The following NPC1 variants were observed in gnomAD, a reference collection of about 807,000 sequenced individuals.
NPC1 encodes the protein Niemann-Pick C1 protein.
Under a neutral mutation model 140.4 loss-of-function variants are expected in NPC1, and 85 were observed. That is an observed-to-expected ratio of 0.61 (90% CI 0.51 to 0.72). The LOEUF (loss-of-function observed/expected upper bound fraction) is 0.72. Among genes scored for constraint, NPC1 ranks in the 30% least tolerant of loss-of-function variants. The pLI is 0.00. For synonymous variants in NPC1, 656 were observed against 624.8 expected (o/e 1.05, Z -0.74); for missense variants, 1,504 against 1,623.8 (o/e 0.93, Z 1.27).
intron 3 of NPC1, among the ~76,000 whole-genome samples, chr18:23,510,538 T>C (rs1331532597): frequency 6.6e-6 from 1 of 151,772 alleles, no homozygotes; most frequent in African/African-American, 2.4e-5. Context: ...TCCCAGCTAC[T>C]AGGGAGGCTG....
In NPC1 at chr18:23,536,855, A is replaced by G; in HGVS notation, c.3063T>C (p.Ser1021=). 1 of 1,614,112 alleles carries G rather than the reference A, an allele frequency of 6.2e-7. No homozygotes were observed. The part of the protein sequence containing the change: ...CGKGGHAAYS[S]AVNILLGHGT... ...CATGGCCAAGGAGGATGTTAACTGC[A>G]GAACTATAGGCAGCATGTCCCCTGA... The change falls in exon 21 of 25, where the codon TCT becomes TCC. Residue 1021 remains serine, a synonymous_variant. Transcript: ENST00000269228.
At chr18:23,550,310 G>C (rs1023736325) in intron 10 of NPC1, among the ~76,000 whole-genome samples, 4 of 151,644 alleles carry the variant, frequency 2.6e-5, no homozygotes, top group Non-Finnish European at 5.9e-5. Context: ...TCTCGGCCCA[G>C]TTTTGTTTTT....
At chr18:23,537,273 T>C (rs1598940576) in intron 20 of NPC1, among the ~76,000 whole-genome samples, 1 of 152,212 alleles carries the variant, frequency 6.6e-6, no homozygotes, top group African/African-American at 2.4e-5. Flanking sequence ...GGTTTTGCCA[T>C]GTTGGCCTGG....
Position 23,550,042 on chromosome 18 carries a change from G to T in NPC1, c.1654+1585C>A, listed in dbSNP as rs146278306. ...CCAGTTTTTTTTTTTTTCTGGCAAGGTCTCGCTCTGTCACCCAGGCTGGAA... is the reference window on the plus strand; with the variant it reads ...CCAGTTTTTTTTTTTTTCTGGCAAGTTCTCGCTCTGTCACCCAGGCTGGAA... On this transcript the variant is annotated intron_variant, in intron 10 of 24. Coordinates refer to ENST00000269228, the MANE Select transcript of NPC1 (RefSeq NM_000271.5). Among the ~76,000 whole-genome samples, 1,271 of 150,486 alleles carry T rather than the reference G, an allele frequency of 8.4e-3. 15 individuals carry two copies. The highest frequency in any genetic ancestry group is 0.03 in the African/African-American group (1,217 of 40,862).
rs143566358 is a variant in NPC1, at chr18:23,557,552, C to T, written c.882-362G>A. Among the ~76,000 whole-genome samples, 522 of 152,310 alleles carry T rather than the reference C, an allele frequency of 3.4e-3. 3 individuals carry two copies. Among genetic ancestry groups the T allele is most frequent in the Non-Finnish European group, 3.1e-3 (210 of 68,022 alleles). On this transcript the variant is annotated intron_variant, in intron 6 of 24. Transcript: ENST00000269228. ...GGGCGGGATCACGAGGTCAAGAGAT[C>T]GAGACCAACCTGGCCAACATGGTGA...
chr18:23,560,342 G>A lies in NPC1; in HGVS notation c.770C>T (p.Pro257Leu), dbSNP rs1311534758. 1.2e-6 allele frequency: 2 copies of A among 1,614,258 alleles called. No individual in the cohort carries two copies. Among genetic ancestry groups the A allele is most frequent in the Admixed American group, 3.3e-5 (2 of 60,036 alleles). ...CGPKPQPPPPPAPWTILGLDA... is the reference protein window; with the variant it reads ...CGPKPQPPPPLAPWTILGLDA... ...CAAGCCAAGGATCGTCCAGGGAGCA[G>A]GAGGAGGTGGGGGCTGGGGCTTGGG... The change falls in exon 6 of 25, where the codon CCT (proline) becomes CTT (leucine). Residue 257 changes from proline to leucine, a missense_variant. By Grantham distance (98) the Pro-to-Leu change is moderately conservative. Coordinates refer to ENST00000269228, the MANE Select transcript of NPC1 (RefSeq NM_000271.5).
At chr18:23,508,474 C>T (rs985341714) in intron 3 of NPC1, among the ~76,000 whole-genome samples, 4 of 152,132 alleles carry the variant, frequency 2.6e-5, no homozygotes, top group Non-Finnish European at 5.9e-5. Context: ...CTTACTCTTT[C>T]TTTCTTCTCC....
chr18:23,554,756 AC>A lies in NPC1; in HGVS notation c.1553+1del. 6.2e-7 allele frequency: 1 copy of A among 1,609,656 alleles called. No homozygotes were observed. Among genetic ancestry groups the A allele is most frequent in the Non-Finnish European group, 8.5e-7 (1 of 1,175,976 alleles). ...TACCAATGATTGTCTCTTGCCACTTACCGTACGCAGTACAGAAAGTGCGTGT... is the reference window on the plus strand; with the variant it reads ...TACCAATGATTGTCTCTTGCCACTTACGTACGCAGTACAGAAAGTGCGTGT... On this transcript the variant is annotated splice_donor_variant, in intron 9 of 24. Transcript: ENST00000269228. LOFTEE classifies it high-confidence loss of function.
chr18:23,540,876 CTT>C (rs1251093846), intron 16 of NPC1, among the ~76,000 whole-genome samples, 190 bp downstream of exon 16: 17 of 152,298 alleles, frequency 1.1e-4, no homozygotes, highest in African/African-American at 4.1e-4. Context: ...ACTTAAAACT[CTT>C]GTTTATATGG....
At chr18:23,553,283 T>C (rs1211361416) in intron 9 of NPC1, among the ~76,000 whole-genome samples, 1 of 152,242 alleles carries the variant, frequency 6.6e-6, no homozygotes, top group Non-Finnish European at 1.5e-5. Flanking sequence ...TAAATGGTTG[T>C]CCAATTATAA....
intron 3 of NPC1, among the ~76,000 whole-genome samples, chr18:23,508,220 A>G (rs1178603837): frequency 6.6e-6 from 1 of 152,144 alleles, no homozygotes; most frequent in Non-Finnish European, 1.5e-5. Context: ...ACAGTTTTCT[A>G]AGTTTGAAAG....
chr18:23,542,096 CTG>C (rs1310005289), intron 14 of NPC1, among the ~76,000 whole-genome samples: 1 of 152,150 alleles, frequency 6.6e-6, no homozygotes, highest in Non-Finnish European at 1.5e-5. Flanking sequence ...ACACACATAA[CTG>C]TCTTTTTAGA....
At position 23,547,986 on chromosome 18, in the gene NPC1, C is replaced by G. The variant is rs1297881624; in HGVS notation, c.1757+20G>C. Reference sequence around the variant, plus strand: ...TCCCACAATGCAAGGACAGTCTGCTCACACCCATGAGTGACTCACTCTTTT... The same window carrying G: ...TCCCACAATGCAAGGACAGTCTGCTGACACCCATGAGTGACTCACTCTTTT... On this transcript the variant is annotated intron_variant, in intron 11 of 24. Coordinates refer to ENST00000269228, the MANE Select transcript of NPC1 (RefSeq NM_000271.5). 2 of 1,365,384 alleles carry G rather than the reference C, an allele frequency of 1.5e-6. No individual in the cohort carries two copies. The highest frequency in any genetic ancestry group is 1.7e-5 in the Admixed American group (1 of 59,706). 84.6% of individuals were successfully genotyped at this position (1,365,384 alleles called of 1,614,324 possible).
Position 23,531,847 on chromosome 18 carries a change from C to A in NPC1, c.*355G>T. Reference sequence around the variant, plus strand: ...ATATGGTATAGAACTTGTGGGATGGCTTACTCCTAAAAGGAGAGACAGACA... The same window carrying A: ...ATATGGTATAGAACTTGTGGGATGGATTACTCCTAAAAGGAGAGACAGACA... On this transcript the variant is annotated 3_prime_UTR_variant, in exon 25 of 25. Transcript: ENST00000269228. The A allele has an allele frequency of 6.9e-7, 1 of 1,459,194 alleles. No homozygotes were observed. The highest frequency in any genetic ancestry group is 9.0e-7 in the Non-Finnish European group (1 of 1,114,488). 90.4% of individuals were successfully genotyped at this position (1,459,194 alleles called of 1,614,324 possible). A position where few individuals can be genotyped will look rare whatever the true frequency, so the allele number is the denominator to read the frequency against.
chr18:23,511,080 T>C (rs2145155710), intron 3 of NPC1, among the ~76,000 whole-genome samples: 1 of 152,322 alleles, frequency 6.6e-6, no homozygotes, highest in South Asian at 2.1e-4. Flanking sequence ...TCATCCTAAA[T>C]GCCCATCAGT....
chr18:23,539,827 C>T lies in NPC1; in HGVS notation c.2779G>A (p.Ala927Thr). ...GGTACTGACTAGTTGTCCAGCTGCGCCGCGTTAAATATCTGCTGCACCAGG... is the reference window on the plus strand; with the variant it reads ...GGTACTGACTAGTTGTCCAGCTGCGTCGCGTTAAATATCTGCTGCACCAGG... ...DSLVQQIFNA[A>T]QLDNYTRIGF... Residue 927 changes from alanine (A) to threonine (T), a missense_variant, in exon 18 of 25, where the codon GCG (alanine) becomes ACG (threonine). Coordinates refer to ENST00000269228, the MANE Select transcript of NPC1 (RefSeq NM_000271.5). 1 of 1,614,156 alleles carries T rather than the reference C, an allele frequency of 6.2e-7. No homozygotes were observed. Among genetic ancestry groups the T allele is most frequent in the Non-Finnish European group, 8.5e-7 (1 of 1,180,020 alleles).
intron 11 of NPC1, among the ~76,000 whole-genome samples, chr18:23,546,094 C>T (rs372885430): frequency 3.3e-5 from 5 of 151,466 alleles, no homozygotes; most frequent in African/African-American, 7.3e-5. Context: ...ACTAAAAATA[C>T]AAAAATTAGC....
intron 21 of NPC1, 57 bp from the exon 22 acceptor site, chr18:23,535,757 G>A (rs1285273601): frequency 8.8e-7 from 1 of 1,140,730 alleles, no homozygotes. Flanking sequence ...AACACTGCGT[G>A]TTCATCCTGT....
At chr18:23,527,668 A>T (rs75917336), downstream of NPC1, 21 of 343,852 alleles carry the variant, frequency 6.1e-5, no homozygotes, top group Admixed American at 3.9e-4. Flanking sequence ...TTTAAAGTAG[A>T]GTGTCCTTTA....
Sources: allele counts gnomAD v4.1 joint callset (sites outside exome capture counted in the v4.1 genomes callset), GRCh38; gene constraint gnomAD v4.1.1; transcripts MANE v1.5; gene names NCBI Gene and HGNC (gene_info 2026-07-23, HGNC 2026-07-21).